The following SLC44A5 variants were observed in gnomAD, a reference collection of about 807,000 sequenced individuals.
The protein encoded by SLC44A5 is choline transporter-like protein 5.
A neutral mutation model predicts 101.8 loss-of-function variants in SLC44A5; 57 were observed. That is an observed-to-expected ratio of 0.56 (90% CI 0.45 to 0.70). SLC44A5 has a LOEUF of 0.70. SLC44A5 is among the 30% of genes least tolerant of loss of function. The pLI is 0.00. For synonymous variants in SLC44A5, 281 were observed against 290.9 expected, an observed-to-expected ratio of 0.97 and a Z score of 0.35; for missense variants, 737 against 853.1, an observed-to-expected ratio of 0.86 and a Z score of 1.70.
At chr1:75,243,461 TA>T (rs947253657) in intron 7 of SLC44A5, among the ~76,000 whole-genome samples, 7 of 152,044 alleles carry the variant, frequency 4.6e-5, no homozygotes, top group Non-Finnish European at 7.4e-5. Context: ...AGTCTTATTG[TA>T]AAAAATGAAA....
the SLC44A5 span, among the ~76,000 whole-genome samples, chr1:75,684,179 G>A: frequency 6.6e-6 from 1 of 152,134 alleles, no homozygotes; most frequent in South Asian, 2.1e-4. Flanking sequence ...CATGAGAACA[G>A]TATGGGGGAA....
chr1:75,394,276 T>C (rs559088597), intron 3 of SLC44A5, among the ~76,000 whole-genome samples: 11 of 152,266 alleles, frequency 7.2e-5, no homozygotes, highest in Non-Finnish European at 1.3e-4. Flanking sequence ...AAGAGCAAGA[T>C]ACAAGTCTGT....
intron 2 of SLC44A5, among the ~76,000 whole-genome samples, chr1:75,422,644 T>G (rs1664078041): frequency 6.6e-6 from 1 of 152,206 alleles, no homozygotes; most frequent in Admixed American, 6.5e-5. Flanking sequence ...AATAGGGATT[T>G]GGAATGTGCA....
chr1:75,536,470 G>A (rs1413330208), intron 2 of SLC44A5, among the ~76,000 whole-genome samples: 2 of 151,100 alleles, frequency 1.3e-5, no homozygotes, highest in Non-Finnish European at 1.5e-5. Flanking sequence ...GCATGGTGGC[G>A]GGCGCCTGTA....
chr1:75,471,367 G>C (rs866874579), intron 2 of SLC44A5, among the ~76,000 whole-genome samples: 1 of 137,738 alleles, frequency 7.3e-6, no homozygotes, highest in Non-Finnish European at 1.5e-5. Flanking sequence ...TAATACATAA[G>C]CTTGTGTGCA....
intron 13 of SLC44A5, among the ~76,000 whole-genome samples, chr1:75,223,681 T>G (rs1200762039): frequency 6.6e-6 from 1 of 152,214 alleles, no homozygotes; most frequent in Non-Finnish European, 1.5e-5. Flanking sequence ...TATTTCATTC[T>G]ATTATTATAT....
chr1:75,668,267 A>ACCCAAGGTCACTGTAC, the SLC44A5 span, among the ~76,000 whole-genome samples: 1 of 139,926 alleles, frequency 7.1e-6, no homozygotes, highest in African/African-American at 2.6e-5. Context: ...TTATAATTAT[A>ACCCAAGGTCACTGTAC]TTCCTTGGGG....
intron 6 of SLC44A5, among the ~76,000 whole-genome samples, chr1:75,256,123 T>C (rs1471504435): frequency 6.6e-6 from 1 of 152,082 alleles, no homozygotes; most frequent in East Asian, 1.9e-4. Flanking sequence ...TATATGAAAT[T>C]AAAAAGTTAA....
intron 2 of SLC44A5, among the ~76,000 whole-genome samples, chr1:75,409,831 C>T (rs182247179): frequency 7.2e-5 from 11 of 152,110 alleles, no homozygotes; most frequent in African/African-American, 2.6e-4. Context: ...AGAATCATGC[C>T]CAAGGCAGCT....
the SLC44A5 span, among the ~76,000 whole-genome samples, chr1:75,672,059 A>T: frequency 6.6e-6 from 1 of 152,086 alleles, no homozygotes; most frequent in Non-Finnish European, 1.5e-5. Context: ...CCACCCAAAA[A>T]AGCACCTTCA....
At chr1:75,407,947 T>G (rs887115494) in intron 2 of SLC44A5, among the ~76,000 whole-genome samples, 26 of 152,292 alleles carry the variant, frequency 1.7e-4, no homozygotes, top group African/African-American at 6.0e-4. Context: ...GGAGAAAATT[T>G]TTGCAATCTA....
At chr1:75,246,648 AG>A (rs1411314161) in intron 7 of SLC44A5, among the ~76,000 whole-genome samples, 1 of 152,114 alleles carries the variant, frequency 6.6e-6, no homozygotes, top group Non-Finnish European at 1.5e-5. Context: ...GCTGGAAAGG[AG>A]GCTACAGAGA....
intron 3 of SLC44A5, among the ~76,000 whole-genome samples, chr1:75,373,064 C>T (rs575289898): frequency 1.6e-4 from 24 of 152,152 alleles, no homozygotes; most frequent in African/African-American, 5.3e-4. Context: ...GAAGCAGAGT[C>T]AAAATATCCT....
At chr1:75,295,646 G>T (rs1233065795) in intron 5 of SLC44A5, among the ~76,000 whole-genome samples, 1 of 152,184 alleles carries the variant, frequency 6.6e-6, no homozygotes, top group African/African-American at 2.4e-5. Context: ...CATGCTTTGG[G>T]AACCAATGTT....
intron 6 of SLC44A5, among the ~76,000 whole-genome samples, chr1:75,263,682 T>C (rs1650732574): frequency 6.6e-6 from 1 of 152,120 alleles, no homozygotes; most frequent in African/African-American, 2.4e-5. Flanking sequence ...CATACACACG[T>C]ATGTTTATTG....
chr1:75,488,563 C>G (rs1304712511), intron 2 of SLC44A5, among the ~76,000 whole-genome samples: 2 of 152,206 alleles, frequency 1.3e-5, no homozygotes, highest in African/African-American at 4.8e-5. Flanking sequence ...TTTAAAATGA[C>G]TGTCCAAATA....
chr1:75,632,606 G>T, the SLC44A5 span, among the ~76,000 whole-genome samples: 2 of 151,774 alleles, frequency 1.3e-5, no homozygotes, highest in Non-Finnish European at 2.9e-5. Context: ...TATCATTCCT[G>T]TTTTTCCATG....
chr1:75,332,302 A>T (rs1463428648), intron 4 of SLC44A5, among the ~76,000 whole-genome samples: 1 of 152,198 alleles, frequency 6.6e-6, no homozygotes, highest in Non-Finnish European at 1.5e-5. Flanking sequence ...AATATCAGCT[A>T]CTGTATTAGT....
At chr1:75,305,370 T>A (rs1210162861) in intron 4 of SLC44A5, among the ~76,000 whole-genome samples, 2 of 152,202 alleles carry the variant, frequency 1.3e-5, no homozygotes, top group Non-Finnish European at 2.9e-5. Context: ...TTGCAAGTAG[T>A]TTCTGCCTGA....
Sources: allele counts gnomAD v4.1 joint callset (sites outside exome capture counted in the v4.1 genomes callset), GRCh38; gene constraint gnomAD v4.1.1; transcripts MANE v1.5; gene names NCBI Gene and HGNC (gene_info 2026-07-23, HGNC 2026-07-21).